MAST4: variants seen among roughly 807,000 people sequenced by gnomAD.
The protein encoded by MAST4 is microtubule-associated serine/threonine-protein kinase 4.
Under a neutral mutation model 162.7 loss-of-function variants are expected in MAST4, and 89 were observed. The ratio of observed to expected loss-of-function variants is 0.55; its 90% CI spans 0.46 to 0.65. MAST4 has a LOEUF of 0.65. Ranked by LOEUF, MAST4 falls within the 30% of genes least tolerant of loss-of-function variation. MAST4 has a pLI of 0.00. For missense variants in MAST4, 3,153 were observed against 3,374.0 expected, an observed-to-expected ratio of 0.93 and a Z score of 1.62; for synonymous variants, 1,479 against 1,361.1, an observed-to-expected ratio of 1.09 and a Z score of -1.91.
At chr5:66,920,550 G>A (rs1034039973) in intron 4 of MAST4, among the ~76,000 whole-genome samples, 29 of 152,074 alleles carry the variant, frequency 1.9e-4, no homozygotes, top group Admixed American at 3.9e-4. Context: ...AACATTGAAT[G>A]TGTGATCTCA....
At chr5:66,762,224 A>G (rs1459150361) in intron 2 of MAST4, among the ~76,000 whole-genome samples, 1 of 151,988 alleles carries the variant, frequency 6.6e-6, no homozygotes, top group Non-Finnish European at 1.5e-5. Flanking sequence ...TTGGTCAGAT[A>G]ATTTTTTTAA....
At chr5:67,103,749 A>G (rs556705360) in intron 9 of MAST4, among the ~76,000 whole-genome samples, 1 of 152,340 alleles carries the variant, frequency 6.6e-6, no homozygotes, top group Admixed American at 6.5e-5. Flanking sequence ...CGAAAGATAC[A>G]TTTTTAGCTT....
At chr5:67,060,841 T>C (rs1759482637) in intron 5 of MAST4, among the ~76,000 whole-genome samples, 1 of 152,138 alleles carries the variant, frequency 6.6e-6, no homozygotes, top group African/African-American at 2.4e-5. Flanking sequence ...AGATGTGTAG[T>C]TGGGCCGTAA....
chr5:66,702,558 G>A (rs760980748), intron 1 of MAST4, among the ~76,000 whole-genome samples: 3 of 152,156 alleles, frequency 2.0e-5, no homozygotes, highest in African/African-American at 4.8e-5. Context: ...CATTTGGGTA[G>A]AGGCCAGAAT....
chr5:66,769,689 A>G (rs766748182), intron 2 of MAST4, among the ~76,000 whole-genome samples: 5 of 152,250 alleles, frequency 3.3e-5, no homozygotes, highest in African/African-American at 4.8e-5. Context: ...TAAAAATACA[A>G]TATTATCCTG....
At position 66,596,608 on chromosome 5, in the gene MAST4, C is replaced by A; in HGVS notation, c.-48C>A. 7.2e-7 allele frequency: 1 copy of A among 1,385,774 alleles called. No homozygotes were observed. The highest frequency in any genetic ancestry group is 1.7e-5 in the South Asian group (1 of 57,408). The allele number at this position is 1,385,774 out of a possible 1,614,324, so 85.8% of individuals were successfully genotyped here. ...CGTCTTCCCCGGGAGGCGCTGAGTG[C>A]GCGCCGCGCCCCCGCCGCTCGGGAG... On this transcript the variant is annotated 5_prime_UTR_variant, in exon 1 of 29. Transcript: ENST00000403625.
intron 3 of MAST4, among the ~76,000 whole-genome samples, chr5:66,869,224 C>T (rs1417394656): frequency 6.6e-6 from 1 of 152,178 alleles, no homozygotes; most frequent in East Asian, 1.9e-4. Context: ...AAATCACCTT[C>T]TGATAAACCA....
chr5:66,811,474 T>G (rs1480792059), intron 3 of MAST4, among the ~76,000 whole-genome samples: 1 of 152,166 alleles, frequency 6.6e-6, no homozygotes, highest in Non-Finnish European at 1.5e-5. Flanking sequence ...GGGAAATAGG[T>G]TCTTGGTCTC....
intron 4 of MAST4, among the ~76,000 whole-genome samples, chr5:67,044,555 T>G (rs982239831): frequency 1.3e-5 from 2 of 152,190 alleles, no homozygotes; most frequent in African/African-American, 4.8e-5. Context: ...TGCTCTATAG[T>G]CCAGGCTGGA....
chr5:66,955,988 G>A lies in MAST4; in HGVS notation c.674+56006G>A, dbSNP rs536674298. 3.6e-4 allele frequency among the ~76,000 whole-genome samples: 54 copies of A among 149,466 alleles called. 2 individuals carry two copies. In the South Asian group the frequency reaches 0.011, roughly 31 times the overall value. ...TCTTTTAAGGTTTTTTTTTTTGTTT[G>A]TTTGTTTGTTTTTTGGTAAAGACAG... On this transcript the variant is annotated intron_variant, in intron 4 of 28. Coordinates refer to ENST00000403625, the MANE Select transcript of MAST4 (RefSeq NM_001164664.2).
intron 1 of MAST4, among the ~76,000 whole-genome samples, chr5:66,674,723 C>T (rs749405581): frequency 2.0e-5 from 3 of 152,144 alleles, no homozygotes; most frequent in Non-Finnish European, 2.9e-5. Flanking sequence ...GAGATAGTCA[C>T]TTCTCGTTTT....
At chr5:66,690,471 C>T (rs988629522) in intron 1 of MAST4, among the ~76,000 whole-genome samples, 1 of 152,104 alleles carries the variant, frequency 6.6e-6, no homozygotes, top group Non-Finnish European at 1.5e-5. Context: ...TTATTGCTTC[C>T]CAGCCACGAG....
chr5:67,073,025 G>A (rs182054958), intron 5 of MAST4, among the ~76,000 whole-genome samples: 11 of 152,302 alleles, frequency 7.2e-5, no homozygotes, highest in Non-Finnish European at 1.3e-4. Flanking sequence ...ATGTATATGT[G>A]TGTTTAACTG....
chr5:66,784,679 C>G (rs1373666484), intron 2 of MAST4, among the ~76,000 whole-genome samples: 1 of 152,074 alleles, frequency 6.6e-6, no homozygotes, highest in Admixed American at 6.5e-5. Flanking sequence ...TGTGACCCGG[C>G]CTAAGAACCC....
intron 4 of MAST4, chr5:67,004,102 C>A (rs1003359193): frequency 2.0e-5 from 3 of 152,282 alleles, no homozygotes; most frequent in African/African-American, 7.2e-5. Flanking sequence ...GGAGCAGCCG[C>A]GGGTTTATTT....
At chr5:67,053,110 A>C (rs1313465605) in intron 4 of MAST4, among the ~76,000 whole-genome samples, 1 of 152,190 alleles carries the variant, frequency 6.6e-6, no homozygotes, top group Non-Finnish European at 1.5e-5. Context: ...AGCTTAATTA[A>C]ACTCACAGAT....
chr5:66,844,155 G>A (rs187337008), intron 3 of MAST4, among the ~76,000 whole-genome samples: 1 of 126,816 alleles, frequency 7.9e-6, no homozygotes, highest in Admixed American at 8.4e-5. Flanking sequence ...GTGTGTGTGT[G>A]TGTGTGTGTG....
Position 66,739,801 on chromosome 5 carries a change from A to G in MAST4, c.364-19908A>G, listed in dbSNP as rs28687934. On this transcript the variant is annotated intron_variant, in intron 1 of 28. Transcript: ENST00000403625. ...AAGACTCAGCTAAGCATTTTTGTAC[A>G]TGTTTTTTTTTCTGCCAAGCAGGAT... is the stretch of plus-strand genomic sequence containing the variant. 6.4e-3 allele frequency among the ~76,000 whole-genome samples: 931 copies of G among 145,678 alleles called. 11 individuals are homozygous for G. Among genetic ancestry groups the G allele is most frequent in the African/African-American group, 0.023 (891 of 39,346 alleles).
chr5:66,795,507 T>G (rs908617006), intron 3 of MAST4, among the ~76,000 whole-genome samples: 1 of 152,192 alleles, frequency 6.6e-6, no homozygotes. Context: ...TTTATACTTT[T>G]AGATTGGTAA....
Sources: gnomAD v4.1 joint callset for allele counts (sites outside exome capture counted in the v4.1 genomes callset) on GRCh38, gnomAD v4.1.1 for gene constraint, MANE v1.5 for transcripts, NCBI Gene and HGNC (gene_info 2026-07-23, HGNC 2026-07-21) for gene names.